Variants in TMEM244 observed in about 807,000 individuals in gnomAD.
TMEM244 encodes putative transmembrane protein 244.
In TMEM244, 13 loss-of-function variants were observed where a neutral mutation model predicts 15.8. That is an observed-to-expected ratio of 0.82 (90% CI 0.53 to 1.30). The LOEUF is 1.30. Among genes scored for constraint, TMEM244 ranks in the 50% most tolerant of loss-of-function variants. The probability of loss-of-function intolerance (pLI) is 0.00; values close to 1 mark genes in which losing one functional copy is unlikely to be tolerated. For missense variants in TMEM244, 161 were observed against 144.9 expected (o/e 1.11, Z -0.57); for synonymous variants, 45 against 48.7 (o/e 0.92, Z 0.32).
intron 3 of TMEM244, among the ~76,000 whole-genome samples, chr6:129,839,481 G>A (rs745584970): frequency 1.9e-4 from 29 of 152,160 alleles, no homozygotes; most frequent in Non-Finnish European, 4.0e-4. Context: ...CATACTGAAT[G>A]GGCAAAAACT....
intron 1 of TMEM244, among the ~76,000 whole-genome samples, chr6:129,854,969 G>A (rs1776685239): frequency 6.6e-6 from 1 of 152,140 alleles, no homozygotes; most frequent in Non-Finnish European, 1.5e-5. Flanking sequence ...GGTTCACAAA[G>A]GTTATTATTC....
chr6:129,858,122 C>T (rs1382211224), intron 1 of TMEM244, among the ~76,000 whole-genome samples: 1 of 151,892 alleles, frequency 6.6e-6, no homozygotes, highest in Non-Finnish European at 1.5e-5. Flanking sequence ...TTCTTGGGTT[C>T]TGTTTGCTAA....
In TMEM244 at chr6:129,850,772, T is replaced by G. The variant is rs1562200383; in HGVS notation, c.34-4920A>C. 2.0e-5 allele frequency among the ~76,000 whole-genome samples: 3 copies of G among 152,226 alleles called. No individual in the cohort carries two copies. In the South Asian group the frequency reaches 6.2e-4, roughly 32 times the overall value. On this transcript the variant is annotated intron_variant, in intron 1 of 4. Transcript: ENST00000368143. ...TAAAAATAGAGATGTTTTATGTTGT[T>G]TGTTCATACTACGTCTTAGAAGTAC...
At chr6:129,855,231 A>G (rs1776689385) in intron 1 of TMEM244, among the ~76,000 whole-genome samples, 1 of 152,204 alleles carries the variant, frequency 6.6e-6, no homozygotes, top group African/African-American at 2.4e-5. Context: ...CACATACCCA[A>G]ACTTCATAGA....
At chr6:129,839,836 C>T (rs554059545) in intron 3 of TMEM244, among the ~76,000 whole-genome samples, 3 of 152,228 alleles carry the variant, frequency 2.0e-5, no homozygotes, top group Admixed American at 6.5e-5. Context: ...ACAATTGCTA[C>T]AAAGATAATA....
At chr6:129,834,573 G>A (rs2114632432) in intron 3 of TMEM244, among the ~76,000 whole-genome samples, 1 of 152,310 alleles carries the variant, frequency 6.6e-6, no homozygotes, top group Admixed American at 6.5e-5. Context: ...GCCAGTGATT[G>A]CAGTCGGTAA....
intron 1 of TMEM244, among the ~76,000 whole-genome samples, chr6:129,855,195 C>A (rs533788857): frequency 4.9e-4 from 74 of 152,250 alleles, no homozygotes; most frequent in African/African-American, 1.7e-3. Flanking sequence ...CAAATATAAT[C>A]TTTTACTTCA....
chr6:129,839,518 C>A (rs1293088366), intron 3 of TMEM244, among the ~76,000 whole-genome samples: 5 of 152,284 alleles, frequency 3.3e-5, no homozygotes, highest in African/African-American at 1.2e-4. Flanking sequence ...AAAACTGGCA[C>A]AAGAAAAGGA....
rs144566707 is a variant in TMEM244, at chr6:129,857,447, C to A, written c.33+3709G>T. ...CTCAGCTCACCACAACCTCCGTCTC[C>A]TGGGTTTAAGCAATTCTCCTGCCTC... On this transcript the variant is annotated intron_variant, in intron 1 of 4. Coordinates refer to ENST00000368143, the MANE Select transcript of TMEM244 (RefSeq NM_001010876.2). Among the ~76,000 whole-genome samples the A allele has an allele frequency of 6.6e-3, 1,004 of 152,162 alleles. 7 individuals are homozygous for A. Among genetic ancestry groups the A allele is most frequent in the Middle Eastern group, 0.014 (4 of 294 alleles).
At chr6:129,836,904 C>G (rs887437914) in intron 3 of TMEM244, among the ~76,000 whole-genome samples, 2 of 152,096 alleles carry the variant, frequency 1.3e-5, no homozygotes, top group Non-Finnish European at 2.9e-5. Flanking sequence ...TGAACAAAGC[C>G]TCCAAGAAAT....
At chr6:129,843,881 G>A (rs1776526448) in intron 2 of TMEM244, among the ~76,000 whole-genome samples, 1 of 152,020 alleles carries the variant, frequency 6.6e-6, no homozygotes, top group South Asian at 2.1e-4. Context: ...TAGGTGAGAC[G>A]GTATAAAGGT....
Position 129,831,246 on chromosome 6 carries a change from G to A in TMEM244, c.*73C>T. ...TTATTATCTTAGAAAGACAATAATTGTAAAATCTATGAGAAAATAAAATAT... is the reference window on the plus strand; with the variant it reads ...TTATTATCTTAGAAAGACAATAATTATAAAATCTATGAGAAAATAAAATAT... On this transcript the variant is annotated 3_prime_UTR_variant, in exon 5 of 5. Transcript: ENST00000368143. The A allele has an allele frequency of 3.2e-6, 3 of 944,884 alleles. No homozygotes were observed. The highest frequency in any genetic ancestry group is 4.9e-6 in the Non-Finnish European group (3 of 606,822). 58.5% of individuals were successfully genotyped at this position (944,884 alleles called of 1,614,324 possible). A position where few individuals can be genotyped will look rare whatever the true frequency, so the allele number is the denominator to read the frequency against.
chr6:129,852,815 T>C (rs1256614524), intron 1 of TMEM244, among the ~76,000 whole-genome samples: 1 of 152,090 alleles, frequency 6.6e-6, no homozygotes, highest in Non-Finnish European at 1.5e-5. Flanking sequence ...TCCTGACTTC[T>C]CCAGCTCTTC....
rs187247061 is a variant in TMEM244, at chr6:129,841,370, C to A, written c.193+2160G>T. ...TTCTCACTCATAGGTGGGAGTTAAA[C>A]AAAGAACACTTGGACACAGGGCGAG... On this transcript the variant is annotated intron_variant, in intron 3 of 4. Coordinates refer to ENST00000368143, the MANE Select transcript of TMEM244 (RefSeq NM_001010876.2). 5.2e-3 allele frequency among the ~76,000 whole-genome samples: 696 copies of A among 134,994 alleles called. 9 individuals are homozygous for A. Among genetic ancestry groups the A allele is most frequent in the South Asian group, 0.043 (193 of 4,508 alleles). 88.6% of individuals were successfully genotyped at this position (134,994 alleles called of 152,430 possible). A position where few individuals can be genotyped will look rare whatever the true frequency, so the allele number is the denominator to read the frequency against.
chr6:129,833,561 G>A lies in TMEM244; in HGVS notation c.218C>T (p.Thr73Ile), dbSNP rs146090235. The part of the protein sequence containing the change: ...YKVLLVSTEV[T>I]YFVCGLFFVP... ...AAAAAACAATCCACAAACAAAGTAG[G>A]TGACCTCTGTTGAAACTAAAAGAAC... The change falls in exon 4 of 5, where the codon ACC (threonine) becomes ATC (isoleucine). Residue 73 changes from threonine to isoleucine, a missense_variant. Transcript: ENST00000368143. 1,170 of 1,612,396 alleles carry A rather than the reference G, an allele frequency of 7.3e-4. 1 individual carries two copies. Among genetic ancestry groups the A allele is most frequent in the Admixed American group, 1.1e-3 (64 of 59,888 alleles).
At chr6:129,849,892 C>T (rs761916868) in intron 1 of TMEM244, among the ~76,000 whole-genome samples, 6 of 152,096 alleles carry the variant, frequency 3.9e-5, no homozygotes, top group Admixed American at 3.3e-4. Flanking sequence ...TGTGTGCCTC[C>T]GTGCACGTGT....
At position 129,854,276 on chromosome 6, in the gene TMEM244, C is replaced by T. The variant is rs536045996; in HGVS notation, c.33+6880G>A. 3.9e-4 allele frequency among the ~76,000 whole-genome samples: 60 copies of T among 152,142 alleles called. No individual in the cohort carries two copies. In the South Asian group the frequency reaches 9.8e-3, roughly 25 times the overall value. On this transcript the variant is annotated intron_variant, in intron 1 of 4. Transcript: ENST00000368143. ...AGAATTAATAGAAGGCTGGCCCTAC[C>T]GGACATTCTGGTTATTAAAGGAGAA...
chr6:129,843,104 C>T (rs1445399789), intron 3 of TMEM244, among the ~76,000 whole-genome samples: 1 of 152,048 alleles, frequency 6.6e-6, no homozygotes, highest in Non-Finnish European at 1.5e-5. Context: ...CTCCAGACTT[C>T]TTATCACTGA....
In TMEM244 at chr6:129,857,770, T is replaced by G. The variant is rs182035096; in HGVS notation, c.33+3386A>C. On this transcript the variant is annotated intron_variant, in intron 1 of 4. Coordinates refer to ENST00000368143, the MANE Select transcript of TMEM244 (RefSeq NM_001010876.2). ...TTAAGTAATACACCAGCTTTAGGAT[T>G]GTAATGTGTGTGTGTATGTGTGGTT... Among the ~76,000 whole-genome samples, 229 of 151,706 alleles carry G rather than the reference T, an allele frequency of 1.5e-3. 1 individual carries two copies. Among genetic ancestry groups the G allele is most frequent in the Non-Finnish European group, 2.5e-3 (172 of 67,944 alleles).
Sources: gnomAD v4.1 joint callset for allele counts (sites outside exome capture counted in the v4.1 genomes callset) on GRCh38, gnomAD v4.1.1 for gene constraint, MANE v1.5 for transcripts, NCBI Gene and HGNC (gene_info 2026-07-23, HGNC 2026-07-21) for gene names.